The following LANCL3 variants were observed in gnomAD, a reference collection of about 807,000 sequenced individuals.
LANCL3 encodes the protein lanC-like protein 3.
In LANCL3, 19 loss-of-function variants were observed where a neutral mutation model predicts 26.5. The observed-to-expected ratio is 0.72, with a 90% CI of 0.50 to 1.05. The LOEUF is 1.05. LANCL3 is among the 50% of genes least tolerant of loss of function. The pLI, the probability that LANCL3 is intolerant of heterozygous loss-of-function variation, is 0.00. For synonymous variants in LANCL3, 160 were observed against 166.6 expected (o/e 0.96, Z 0.30); for missense variants, 318 against 362.7 (o/e 0.88, Z 1.00).
intron 3 of LANCL3, among the ~76,000 whole-genome samples, chrX:37,665,521 G>C (rs1295476540): frequency 8.9e-6 from 1 of 112,015 alleles, no homozygotes; most frequent in African/African-American, 3.2e-5. Context: ...GTATTATTGA[G>C]AGAACCATTT....
Position 37,571,727 on chromosome X carries a change from C to T in LANCL3, c.-144C>T. The T allele has an allele frequency of 2.2e-6, 1 of 462,988 alleles. No individual in the cohort carries two copies. The highest frequency in any genetic ancestry group is 4.2e-5 in the East Asian group (1 of 23,542). The allele number at this position is 462,988 out of a possible 1,213,427, so 38.2% of individuals were successfully genotyped here. A position where few individuals can be genotyped will look rare whatever the true frequency, so the allele number is the denominator to read the frequency against. ...CCGCTCCTTGCCCGCCTCCTCTTGT[C>T]ACCTCCCGTCTCATCCTTCTCGCTC... On this transcript the variant is annotated 5_prime_UTR_variant, in exon 1 of 5. Coordinates refer to ENST00000378619, the MANE Select transcript of LANCL3 (RefSeq NM_001170331.2).
At chrX:37,573,861 G>A (rs1424670263) in intron 1 of LANCL3, among the ~76,000 whole-genome samples, 2 of 108,768 alleles carry the variant, frequency 1.8e-5, no homozygotes, top group Non-Finnish European at 3.8e-5. Context: ...AGATCACACA[G>A]GTGGAAGCAG....
At chrX:37,636,604 A>AT (rs1451140577) in intron 1 of LANCL3, among the ~76,000 whole-genome samples, 26 of 112,422 alleles carry the variant, frequency 2.3e-4, no homozygotes, top group Non-Finnish European at 3.8e-4. Context: ...CTTCCATGAC[A>AT]TTTTTCTCAC....
intron 1 of LANCL3, among the ~76,000 whole-genome samples, chrX:37,652,373 A>G (rs1556429333): frequency 9.0e-6 from 1 of 111,064 alleles, no homozygotes; most frequent in Non-Finnish European, 1.9e-5. Flanking sequence ...GGGCCAAGAA[A>G]TATAGTATGA....
rs140390594 is a variant in LANCL3, at chrX:37,637,274, C to T, written c.574-18414C>T. On this transcript the variant is annotated intron_variant, in intron 1 of 4. Coordinates refer to ENST00000378619, the MANE Select transcript of LANCL3 (RefSeq NM_001170331.2). ...GGATTCCTATAGTTCAGTGTGGTGA[C>T]GGACACTATTGCCGACCAGAGCTCT... Among the ~76,000 whole-genome samples the T allele has an allele frequency of 3.4e-3, 379 of 111,883 alleles. 3 individuals carry two copies. The highest frequency in any genetic ancestry group is 0.012 in the African/African-American group (369 of 30,788).
intron 1 of LANCL3, among the ~76,000 whole-genome samples, chrX:37,601,498 A>G (rs1176220382): frequency 3.6e-5 from 4 of 112,181 alleles, no homozygotes; most frequent in African/African-American, 1.3e-4. Flanking sequence ...CCTTTCCTGG[A>G]TAAATGTCAG....
At chrX:37,666,006 G>A (rs1175467385) in intron 3 of LANCL3, among the ~76,000 whole-genome samples, 1 of 112,441 alleles carries the variant, frequency 8.9e-6, no homozygotes. Flanking sequence ...GGAGAATGCT[G>A]TAGGTAAACA....
intron 3 of LANCL3, among the ~76,000 whole-genome samples, chrX:37,666,887 T>A (rs930534358): frequency 4.4e-5 from 5 of 112,598 alleles, no homozygotes; most frequent in Non-Finnish European, 7.5e-5. Flanking sequence ...CCATTTCAAA[T>A]AACCAAATAT....
rs781791071 is a variant in LANCL3, at chrX:37,680,524, T to C, written c.*4711T>C. ...ATCTGCAGAATTCCCAGAATCTTCT[T>C]TTGCCTTTGTGCACCTGCTAATTAC... On this transcript the variant is annotated 3_prime_UTR_variant, in exon 5 of 5. Coordinates refer to ENST00000378619, the MANE Select transcript of LANCL3 (RefSeq NM_001170331.2). 21 of 112,106 alleles carry C rather than the reference T, an allele frequency of 1.9e-4. No homozygotes were observed. The East Asian group carries it at 5.6e-3, about 30-fold the overall frequency. 9.2% of individuals were successfully genotyped at this position (112,106 alleles called of 1,213,427 possible).
intron 1 of LANCL3, among the ~76,000 whole-genome samples, chrX:37,575,173 C>G (rs1556416280): frequency 9.1e-6 from 1 of 109,556 alleles, no homozygotes; most frequent in East Asian, 2.8e-4. Flanking sequence ...GTGATCTGCC[C>G]GCCTCAGTCT....
intron 1 of LANCL3, among the ~76,000 whole-genome samples, chrX:37,592,379 A>G (rs1924312079): frequency 8.9e-6 from 1 of 112,507 alleles, no homozygotes; most frequent in Non-Finnish European, 1.9e-5. Context: ...TTAAATAGGA[A>G]CGGTCATTCA....
chrX:37,579,159 T>C (rs1262012554), intron 1 of LANCL3, among the ~76,000 whole-genome samples: 3 of 110,887 alleles, frequency 2.7e-5, no homozygotes, highest in Admixed American at 9.6e-5. Flanking sequence ...GCATATTGTA[T>C]AGAGAGATGT....
At chrX:37,606,741 C>A (rs782215351) in intron 1 of LANCL3, among the ~76,000 whole-genome samples, 1 of 111,897 alleles carries the variant, frequency 8.9e-6, no homozygotes, top group African/African-American at 3.2e-5. Context: ...CAGATGTCTC[C>A]GTGTCCAAGG....
chrX:37,620,994 C>T (rs1007514425), intron 1 of LANCL3, among the ~76,000 whole-genome samples: 6 of 110,188 alleles, frequency 5.4e-5, no homozygotes, highest in African/African-American at 2.0e-4. Context: ...GAAGTGGGCA[C>T]TCAGCTCACA....
chrX:37,633,388 C>G (rs1925595825), intron 1 of LANCL3, among the ~76,000 whole-genome samples: 1 of 111,289 alleles, frequency 9.0e-6, no homozygotes, highest in Non-Finnish European at 1.9e-5. Flanking sequence ...CTTCCTGTAG[C>G]TCGGGGTAGT....
At chrX:37,666,344 T>C (rs1291201775) in intron 3 of LANCL3, among the ~76,000 whole-genome samples, 1 of 111,565 alleles carries the variant, frequency 9.0e-6, no homozygotes, top group African/African-American at 3.3e-5. Context: ...CCAGACAGAG[T>C]GTGAGTTTCT....
At chrX:37,607,497 C>T (rs1290802478) in intron 1 of LANCL3, among the ~76,000 whole-genome samples, 2 of 112,399 alleles carry the variant, frequency 1.8e-5, no homozygotes, top group Non-Finnish European at 3.8e-5. Flanking sequence ...GTGTTCTATT[C>T]TCTGCTTAAG....
At chrX:37,608,849 C>T (rs781937502) in intron 1 of LANCL3, among the ~76,000 whole-genome samples, 10 of 111,911 alleles carry the variant, frequency 8.9e-5, no homozygotes, top group African/African-American at 3.2e-4. Flanking sequence ...ATTGAGTTGA[C>T]AAAGAGAATT....
intron 1 of LANCL3, among the ~76,000 whole-genome samples, chrX:37,607,890 T>C (rs1173689566): frequency 3.6e-5 from 4 of 112,510 alleles, no homozygotes; most frequent in Non-Finnish European, 7.5e-5. Flanking sequence ...AGGGTGCATT[T>C]ACCAGCAACT....
Sources: allele counts gnomAD v4.1 joint callset (sites outside exome capture counted in the v4.1 genomes callset), GRCh38; gene constraint gnomAD v4.1.1; transcripts MANE v1.5; gene names NCBI Gene and HGNC (gene_info 2026-07-23, HGNC 2026-07-21).